Variants in GNAT3 observed in about 807,000 individuals in gnomAD.
The protein encoded by GNAT3 is guanine nucleotide-binding protein G(t) subunit alpha-3.
In GNAT3, 31 loss-of-function variants were observed where a neutral mutation model predicts 37.7. The observed-to-expected ratio is 0.82, with a 90% CI of 0.62 to 1.11. GNAT3 has a LOEUF of 1.11. Ranked by LOEUF, GNAT3 falls within the 50% of genes most tolerant of loss-of-function variation. The pLI, the probability that GNAT3 is intolerant of heterozygous loss-of-function variation, is 0.00. For synonymous variants in GNAT3, 138 were observed against 139.8 expected (o/e 0.99, Z 0.09); for missense variants, 437 against 412.5 (o/e 1.06, Z -0.51).
At chr7:80,499,891 A>G (rs1790800979) in intron 1 of GNAT3, among the ~76,000 whole-genome samples, 1 of 152,206 alleles carries the variant, frequency 6.6e-6, no homozygotes, top group Non-Finnish European at 1.5e-5. Context: ...TAGATCACAA[A>G]TATAAATTAC....
chr7:80,497,678 A>G (rs1385964705), intron 1 of GNAT3, among the ~76,000 whole-genome samples: 2 of 129,832 alleles, frequency 1.5e-5, no homozygotes, highest in East Asian at 2.4e-4. Context: ...ATACATACAT[A>G]TATACACACA....
At chr7:80,505,959 G>A (rs7777640) in intron 1 of GNAT3, among the ~76,000 whole-genome samples, 17,582 of 152,134 alleles carry the variant, frequency 0.12, 1,145 homozygotes, top group African/African-American at 0.17. Context: ...AACCTAATAA[G>A]TAGGGAATGG....
chr7:80,505,573 A>G lies in GNAT3; in HGVS notation c.118+6236T>C, dbSNP rs144944050. Among the ~76,000 whole-genome samples, 578 of 152,236 alleles carry G rather than the reference A, an allele frequency of 3.8e-3. 4 individuals are homozygous for G. The highest frequency in any genetic ancestry group is 0.013 in the African/African-American group (553 of 41,542). ...ATTATAGACGGGGTTTCACCGTGTT[A>G]GCCAGGATGGTCTCGATCTCCTGAC... On this transcript the variant is annotated intron_variant, in intron 1 of 7. Coordinates refer to ENST00000398291, the MANE Select transcript of GNAT3 (RefSeq NM_001102386.3).
intron 1 of GNAT3, among the ~76,000 whole-genome samples, chr7:80,508,476 TTTATC>T (rs1396457592): frequency 6.6e-6 from 1 of 152,066 alleles, no homozygotes; most frequent in African/African-American, 2.4e-5. Flanking sequence ...ATGAGAATAT[TTTATC>T]CGTTAGAATT....
At chr7:80,502,680 T>C (rs1251914063) in intron 1 of GNAT3, among the ~76,000 whole-genome samples, 2 of 151,900 alleles carry the variant, frequency 1.3e-5, no homozygotes, top group East Asian at 3.9e-4. Flanking sequence ...CATATGTTGA[T>C]CTAATAGATA....
intron 7 of GNAT3, among the ~76,000 whole-genome samples, chr7:80,460,235 C>A (rs1790027594): frequency 6.6e-6 from 1 of 152,084 alleles, no homozygotes; most frequent in South Asian, 2.1e-4. Context: ...TGCTACATGT[C>A]ATATGATTCC....
chr7:80,478,693 T>G (rs1790343236), intron 4 of GNAT3, 148 bp downstream of exon 4: 2 of 758,508 alleles, frequency 2.6e-6, no homozygotes, highest in Non-Finnish European at 4.1e-6. Flanking sequence ...TCATTTTCAT[T>G]TCTCTTTAAT....
chr7:80,484,995 T>A (rs1225586080), intron 3 of GNAT3, among the ~76,000 whole-genome samples: 1 of 152,096 alleles, frequency 6.6e-6, no homozygotes, highest in Admixed American at 6.6e-5. Flanking sequence ...CTAAATCCAA[T>A]AGATTCTATT....
Position 80,458,670 on chromosome 7 carries a change from A to AT in GNAT3, c.1065dup. 1 of 1,505,826 alleles carries AT rather than the reference A, an allele frequency of 6.6e-7. No individual in the cohort carries two copies. The highest frequency in any genetic ancestry group is 8.9e-7 in the Non-Finnish European group (1 of 1,118,804). The allele number at this position is 1,505,826 out of a possible 1,614,324, so 93.3% of individuals were successfully genotyped here. A position where few individuals can be genotyped will look rare whatever the true frequency, so the allele number is the denominator to read the frequency against. On this transcript the variant is annotated 3_prime_UTR_variant, in exon 8 of 8. Transcript: ENST00000398291. ...GCAAGAGTGGAAGAGAAAATAGTTG[A>AT]TTAGAAAAGCCCACAGTCTTTTAGA...
At chr7:80,487,966 A>G (rs926855100) in intron 3 of GNAT3, among the ~76,000 whole-genome samples, 8 of 152,296 alleles carry the variant, frequency 5.3e-5, no homozygotes, top group African/African-American at 1.7e-4. Flanking sequence ...AATATAAAGT[A>G]GGGAGAAAAT....
chr7:80,479,025 G>A (rs768347010), intron 3 of GNAT3, 27 bp from the exon 4 acceptor site: 8 of 1,498,212 alleles, frequency 5.3e-6, no homozygotes, highest in South Asian at 1.3e-5. Context: ...GTGAGAATAA[G>A]TATGTATTAT....
At chr7:80,492,176 CAAAAAA>C (rs71079120) in intron 2 of GNAT3, among the ~76,000 whole-genome samples, 16,713 of 136,302 alleles carry the variant, frequency 0.12, 2,571 homozygotes, top group African/African-American at 0.36. Context: ...CTAAAAATAC[CAAAAAA>C]AAAAAAAAAA....
At chr7:80,502,174 C>T (rs367879507) in intron 1 of GNAT3, among the ~76,000 whole-genome samples, 26 of 152,036 alleles carry the variant, frequency 1.7e-4, no homozygotes, top group Admixed American at 5.2e-4. Context: ...TTATAGGTGA[C>T]GGAGAAGTCT....
At chr7:80,458,993 CAATTATCAGGGTGCTGGG>C (rs1226851961) in intron 7 of GNAT3, 132 bp from the exon 8 acceptor site, 2 of 626,654 alleles carry the variant, frequency 3.2e-6, no homozygotes, top group African/African-American at 1.9e-5. Context: ...AGGCAACGGT[CAATTATCAGGGTGCTGGG>C]AACTATGCTC....
intron 1 of GNAT3, among the ~76,000 whole-genome samples, chr7:80,509,576 A>T (rs1791020281): frequency 1.3e-5 from 2 of 152,046 alleles, no homozygotes; most frequent in African/African-American, 4.8e-5. Context: ...TCTAACCAAC[A>T]CTTAAGTCTA....
At chr7:80,482,721 C>T (rs1364168277) in intron 3 of GNAT3, among the ~76,000 whole-genome samples, 13 of 139,116 alleles carry the variant, frequency 9.3e-5, no homozygotes, top group South Asian at 4.5e-4. Context: ...TTAGTAGGGT[C>T]GAGGTTTCAC....
rs759927427 is a variant in GNAT3 at position 80,488,606 on chromosome 7, A to G, written c.232T>C (p.Leu78=). ...EFKAVIYSNT[L]QSILAIVKAM... is the part of the protein sequence containing the mutation. Reference sequence around the variant, plus strand: ...TTCACAATAGCTAGGATGGATTGCAATGTATTACTGTAAATTACTGCTTTG... The same window carrying G: ...TTCACAATAGCTAGGATGGATTGCAGTGTATTACTGTAAATTACTGCTTTG... The change falls in exon 3 of 8, where the codon TTG becomes CTG. Residue 78 remains leucine, a synonymous_variant. Coordinates refer to ENST00000398291, the MANE Select transcript of GNAT3 (RefSeq NM_001102386.3). 3 of 1,595,274 alleles carry G rather than the reference A, an allele frequency of 1.9e-6. No individual in the cohort carries two copies. Among genetic ancestry groups the G allele is most frequent in the African/African-American group, 2.7e-5 (2 of 74,646 alleles).
chr7:80,511,977 T>G lies in GNAT3; in HGVS notation c.-51A>C. 1 of 1,298,024 alleles carries G rather than the reference T, an allele frequency of 7.7e-7. No homozygotes were observed. The highest frequency in any genetic ancestry group is 1.2e-5 in the South Asian group (1 of 80,628). 80.4% of individuals were successfully genotyped at this position (1,298,024 alleles called of 1,614,324 possible). Reference sequence around the variant, plus strand: ...TTATATGTTCAGATTTTTCAAATGTTGAGCACAGCTGTGGTTTGGACATAG... The same window carrying G: ...TTATATGTTCAGATTTTTCAAATGTGGAGCACAGCTGTGGTTTGGACATAG... On this transcript the variant is annotated 5_prime_UTR_variant, in exon 1 of 8. Transcript: ENST00000398291.
At chr7:80,503,279 A>G (rs1790870652) in intron 1 of GNAT3, among the ~76,000 whole-genome samples, 1 of 152,142 alleles carries the variant, frequency 6.6e-6, no homozygotes, top group Admixed American at 6.5e-5. Context: ...TTCACCATAC[A>G]TGCATTCTTT....
Sources: allele counts gnomAD v4.1 joint callset (sites outside exome capture counted in the v4.1 genomes callset), GRCh38; gene constraint gnomAD v4.1.1; transcripts MANE v1.5; gene names NCBI Gene and HGNC (gene_info 2026-07-23, HGNC 2026-07-21).